The following ADAMTS2 variants were observed in gnomAD, a reference collection of about 807,000 sequenced individuals.
ADAMTS2 encodes the protein ADAM metallopeptidase with thrombospondin type 1 motif 2.
A neutral mutation model predicts 123.0 loss-of-function variants in ADAMTS2; 50 were observed. The ratio of observed to expected loss-of-function variants is 0.41; its 90% confidence interval spans 0.32 to 0.51. ADAMTS2 has a LOEUF of 0.51. Among genes scored for constraint, ADAMTS2 ranks in the 20% least tolerant of loss-of-function variants. The pLI is 0.35. For missense variants in ADAMTS2, 1,494 were observed against 1,705.2 expected (o/e 0.88, Z 2.18); for synonymous variants, 678 against 695.4 (o/e 0.98, Z 0.39).
rs979630012 is a variant in ADAMTS2, at chr5:179,279,363, G to A, written c.535-6299C>T. On this transcript the variant is annotated intron_variant, in intron 2 of 21. Transcript: ENST00000251582. ...ACACACACAGCACGCACCTTGCCAA[G>A]AGTCCCCCAGATGCTGGCATCTGCT... Among the ~76,000 whole-genome samples the A allele has an allele frequency of 7.2e-5, 11 of 152,186 alleles. 1 individual carries two copies. Among genetic ancestry groups the A allele is most frequent in the Admixed American group, 2.0e-4 (3 of 15,282 alleles).
chr5:179,240,621 C>T (rs1166944706), intron 3 of ADAMTS2, among the ~76,000 whole-genome samples: 1 of 152,132 alleles, frequency 6.6e-6, no homozygotes, highest in African/African-American at 2.4e-5. Flanking sequence ...GTGGGGAGTC[C>T]TTTTTGGAAA....
chr5:179,220,229 C>T (rs1000741234), intron 3 of ADAMTS2, among the ~76,000 whole-genome samples: 1 of 152,200 alleles, frequency 6.6e-6, no homozygotes, highest in African/African-American at 2.4e-5. Context: ...CCCCACGGGT[C>T]CCAAAGGAAG....
intron 2 of ADAMTS2, among the ~76,000 whole-genome samples, chr5:179,299,530 A>ACACACACACAC (rs1756449344): frequency 8.3e-6 from 1 of 120,440 alleles, no homozygotes; most frequent in African/African-American, 3.2e-5. Context: ...CTCCAACTCA[A>ACACACACACAC]ACACACACAC....
chr5:179,239,850 G>A lies in ADAMTS2; in HGVS notation c.689-32135C>T, dbSNP rs528017231. On this transcript the variant is annotated intron_variant, in intron 3 of 21. Transcript: ENST00000251582. ...GATTAGACCAAGAAAGTGGGTGTCC[G>A]GTAAGCCACACCAAGGGAGCAGGAG... 1.1e-4 allele frequency among the ~76,000 whole-genome samples: 16 copies of A among 152,232 alleles called. No individual in the cohort carries two copies. In the South Asian group the frequency reaches 1.5e-3, roughly 14 times the overall value.
At chr5:179,328,666 C>T (rs1157832119) in intron 2 of ADAMTS2, among the ~76,000 whole-genome samples, 1 of 152,048 alleles carries the variant, frequency 6.6e-6, no homozygotes, top group Non-Finnish European at 1.5e-5. Flanking sequence ...GAAGCAGGTC[C>T]CAGGTATTCT....
rs111886406 is a variant in ADAMTS2 at position 179,212,528 on chromosome 5, C to T, written c.689-4813G>A. Among the ~76,000 whole-genome samples, 214 of 50,670 alleles carry T rather than the reference C, an allele frequency of 4.2e-3. 8 individuals carry two copies. The highest frequency in any genetic ancestry group is 4.5e-3 in the Non-Finnish European group (108 of 24,236). 33.2% of individuals were successfully genotyped at this position (50,670 alleles called of 152,430 possible). ...GGGCTTTGTGGGCAGGTGTGGGCTCCGAAGGCAGGTGCAGTGAGCAGGCGT... is the reference window on the plus strand; with the variant it reads ...GGGCTTTGTGGGCAGGTGTGGGCTCTGAAGGCAGGTGCAGTGAGCAGGCGT... On this transcript the variant is annotated intron_variant, in intron 3 of 21. Coordinates refer to ENST00000251582, the MANE Select transcript of ADAMTS2 (RefSeq NM_014244.5).
chr5:179,132,916 G>A lies in ADAMTS2; in HGVS notation c.2086-16C>T. The A allele has an allele frequency of 6.2e-7, 1 of 1,612,824 alleles. No homozygotes were observed. On this transcript the variant is annotated splice_polypyrimidine_tract_variant and intron_variant, in intron 13 of 21. Transcript: ENST00000251582. The surrounding 1 kb of genome is among the most constrained non-coding windows in gnomAD (Gnocchi z 6.1). The stretch of plus-strand genomic sequence containing the variant: ...AGCCCACCTTCTGTTGGGGGAGGAG[G>A]CAGTGAGCACTTGAGACGTCCTGCT...
chr5:179,121,847 CG>C (rs2113179232), intron 20 of ADAMTS2, 97 bp from the exon 21 acceptor site: 1 of 837,928 alleles, frequency 1.2e-6, no homozygotes, highest in East Asian at 2.9e-5. Context: ...CCTGGGGAAG[CG>C]TCATTCAAGG....
intron 2 of ADAMTS2, among the ~76,000 whole-genome samples, chr5:179,306,556 C>T (rs1410141704): frequency 6.6e-6 from 1 of 152,204 alleles, no homozygotes; most frequent in Non-Finnish European, 1.5e-5. Flanking sequence ...TTTCACGACT[C>T]CTACTCAACC....
In ADAMTS2 at chr5:179,129,809, A is replaced by G; in HGVS notation, c.2457+123T>C. ...GTCGGAGCCCCTTGGTGCCAAAGGC[A>G]GGCCAAAGGGGCCACGCAGAGTGTC... is the stretch of plus-strand genomic sequence containing the variant. On this transcript the variant is annotated intron_variant, in intron 16 of 21. Transcript: ENST00000251582. The surrounding 1 kb of genome is among the most constrained non-coding windows in gnomAD (Gnocchi z 4.1). The G allele has an allele frequency of 7.5e-7, 1 of 1,337,294 alleles. No homozygotes were observed. Among genetic ancestry groups the G allele is most frequent in the Non-Finnish European group, 1.0e-6 (1 of 971,832 alleles). The allele number at this position is 1,337,294 out of a possible 1,614,324, so 82.8% of individuals were successfully genotyped here.
intron 3 of ADAMTS2, among the ~76,000 whole-genome samples, chr5:179,223,411 CACAT>C (rs1765181087): frequency 6.7e-6 from 1 of 150,098 alleles, no homozygotes; most frequent in Non-Finnish European, 1.5e-5. Context: ...CGCATGCAGT[CACAT>C]ACACACATGC....
chr5:179,272,932 C>T lies in ADAMTS2; in HGVS notation c.667G>A (p.Gly223Arg), dbSNP rs756085912. ...RRPPTSPPLG[G>R]PQALDTGASL... is the part of the protein sequence containing the mutation. ...TCACCTGTGTCCAGGGCCTGTGGCC[C>T]CCCGAGAGGAGGGGACGTGGGTGGC... Residue 223 changes from glycine to arginine, a missense_variant, in exon 3 of 22, where the codon GGG becomes AGG. Gly to Arg is a moderately radical substitution (Grantham distance 125). This residue lies in a region of ADAMTS2 where 184 missense variants were observed against 152.1 expected (regional missense o/e 1.21). Coordinates refer to ENST00000251582, the MANE Select transcript of ADAMTS2 (RefSeq NM_014244.5). The surrounding 1 kb of genome is among the most constrained non-coding windows in gnomAD (Gnocchi z 5.8). 4 of 1,610,658 alleles carry T rather than the reference C, an allele frequency of 2.5e-6. No individual in the cohort carries two copies. The highest frequency in any genetic ancestry group is 2.5e-6 in the Non-Finnish European group (3 of 1,179,982).
At chr5:179,265,147 C>T (rs566316527) in intron 3 of ADAMTS2, among the ~76,000 whole-genome samples, 7 of 152,326 alleles carry the variant, frequency 4.6e-5, no homozygotes, top group African/African-American at 7.2e-5. Flanking sequence ...AACCACTGGC[C>T]GGTCTTCCAG....
chr5:179,154,865 TGGTTCAG>T lies in ADAMTS2; in HGVS notation c.1180_1186del (p.Leu394MetfsTer61). 1.2e-6 allele frequency: 2 copies of T among 1,613,744 alleles called. No homozygotes were observed. Among genetic ancestry groups the T allele is most frequent in the Non-Finnish European group, 1.7e-6 (2 of 1,179,930 alleles). On this transcript the variant is annotated frameshift_variant, in exon 7 of 22. Transcript: ENST00000251582. LOFTEE classifies it high-confidence loss of function. ...AAACGCTGAGGAGAAGCCGTCCTCA[TGGTTCAG>T]GGTGCAGCTGCGGACCGGATGGCAC...
At chr5:179,157,864 TA>T (rs1763508522) in intron 6 of ADAMTS2, among the ~76,000 whole-genome samples, 1 of 152,240 alleles carries the variant, frequency 6.6e-6, no homozygotes, top group Non-Finnish European at 1.5e-5. Flanking sequence ...TTTTTATAAA[TA>T]TTTCCCCCAG....
intron 4 of ADAMTS2, among the ~76,000 whole-genome samples, chr5:179,183,504 G>C (rs1742151430): frequency 6.6e-6 from 1 of 152,220 alleles, no homozygotes; most frequent in Admixed American, 6.5e-5. Context: ...ACCTGAGAGG[G>C]GACAGGTTCC....
At chr5:179,309,723 C>T (rs1756772879) in intron 2 of ADAMTS2, among the ~76,000 whole-genome samples, 1 of 135,022 alleles carries the variant, frequency 7.4e-6, no homozygotes, top group South Asian at 2.5e-4. Context: ...TGCCATTGTA[C>T]TCCAGCCTGG....
rs897897036 is a variant in ADAMTS2 at position 179,252,671 on chromosome 5, CA to C, written c.688+20239del. Among the ~76,000 whole-genome samples, 6 of 152,104 alleles carry C rather than the reference CA, an allele frequency of 3.9e-5. No individual in the cohort carries two copies. In the East Asian group the frequency reaches 9.6e-4, roughly 24 times the overall value. On this transcript the variant is annotated intron_variant, in intron 3 of 21. Transcript: ENST00000251582. Reference sequence around the variant, plus strand: ...ATTCTTTTAGTTTCTGTGAGATTTGCACTTAATTGACCAGTTGTTACAAGTG... The same window carrying C: ...ATTCTTTTAGTTTCTGTGAGATTTGCCTTAATTGACCAGTTGTTACAAGTG...
chr5:179,323,811 A>G (rs1447120734), intron 2 of ADAMTS2, among the ~76,000 whole-genome samples: 3 of 152,270 alleles, frequency 2.0e-5, no homozygotes, highest in Admixed American at 6.5e-5. Flanking sequence ...TATTTAATGC[A>G]TCAATTAAAA....
Sources: gnomAD v4.1 joint callset for allele counts (sites outside exome capture counted in the v4.1 genomes callset) on GRCh38, gnomAD v4.1.1 for gene constraint, gnomAD v4.1.1 regional missense constraint, Gnocchi (gnomAD v3.1) non-coding constraint, MANE v1.5 for transcripts, NCBI Gene and HGNC (gene_info 2026-07-23, HGNC 2026-07-21) for gene names.